The following TRPC6 variants were observed in gnomAD, a reference collection of about 807,000 sequenced individuals.
TRPC6 encodes short transient receptor potential channel 6.
TRPC6 carries 55 observed loss-of-function variants against 90.7 expected under a neutral mutation model. That is an observed-to-expected ratio of 0.61 (90% confidence interval 0.49 to 0.76). The LOEUF (loss-of-function observed/expected upper bound fraction) is 0.76. TRPC6 is among the 30% of genes least tolerant of loss of function. The pLI is 0.00. For missense variants in TRPC6, 989 were observed against 1,122.7 expected (o/e 0.88, Z 1.70); for synonymous variants, 393 against 393.0 (o/e 1.00, Z 0.00).
intron 7 of TRPC6, 106 bp from the exon 8 acceptor site, chr11:101,472,438 T>TA (rs986687278): frequency 3.9e-5 from 43 of 1,114,182 alleles, no homozygotes; most frequent in South Asian, 3.4e-4. Flanking sequence ...TTAGTGAGTA[T>TA]AAAAAAAATT....
At chr11:101,472,040 C>T (rs1029107516) in intron 8 of TRPC6, 97 bp downstream of exon 8, 38 of 1,253,364 alleles carry the variant, frequency 3.0e-5, no homozygotes, top group South Asian at 2.8e-4. Flanking sequence ...GAACAAAGGG[C>T]GAAGAGCAGT....
At chr11:101,468,760 G>A (rs1348525804) in intron 10 of TRPC6, among the ~76,000 whole-genome samples, 1 of 152,186 alleles carries the variant, frequency 6.6e-6, no homozygotes. Flanking sequence ...CAAATGTCTT[G>A]TTTAAACCAC....
intron 4 of TRPC6, among the ~76,000 whole-genome samples, chr11:101,488,586 C>A (rs916537447): frequency 6.6e-6 from 1 of 151,984 alleles, no homozygotes; most frequent in Non-Finnish European, 1.5e-5. Context: ...GGTACTATGA[C>A]CTCATAAAGA....
In TRPC6 at chr11:101,525,043, G is replaced by A. The variant is rs1860746877; in HGVS notation, c.171-20245C>T. 2.0e-5 allele frequency among the ~76,000 whole-genome samples: 3 copies of A among 152,014 alleles called. No homozygotes were observed. The South Asian group carries it at 6.2e-4, about 32-fold the overall frequency. On this transcript the variant is annotated intron_variant, in intron 1 of 12. Coordinates refer to ENST00000344327, the MANE Select transcript of TRPC6 (RefSeq NM_004621.6). ...TAGAAATCTTAAAGGAATTGTTGAA[G>A]AGATGAATATGTTTAAAAGTCTGGT...
chr11:101,471,246 T>C lies in TRPC6; in HGVS notation c.2346A>G (p.Lys782=). Residue 782 remains lysine (K), a synonymous_variant, in exon 9 of 13, where the codon AAA becomes AAG. Transcript: ENST00000344327. ...GGCCCTGGAACAGCTCAGAAATCCA[T>C]TTTTTAAGCTTCAGTAAGAGATAAA... ...SLFYLLLKLK[K]WISELFQGHK... is the part of the protein sequence containing the mutation. 1.2e-6 allele frequency: 2 copies of C among 1,613,980 alleles called. No homozygotes were observed. Among genetic ancestry groups the C allele is most frequent in the Non-Finnish European group, 1.7e-6 (2 of 1,179,880 alleles).
intron 2 of TRPC6, among the ~76,000 whole-genome samples, chr11:101,502,094 C>T (rs1180461700): frequency 2.0e-5 from 3 of 152,122 alleles, no homozygotes. Flanking sequence ...CTAATCCATA[C>T]ACTTCACACT....
chr11:101,555,911 G>C (rs1477925676), intron 1 of TRPC6, among the ~76,000 whole-genome samples: 1 of 152,128 alleles, frequency 6.6e-6, no homozygotes, highest in Non-Finnish European at 1.5e-5. Context: ...ATCAGTAACA[G>C]GGGGACTTTG....
intron 5 of TRPC6, among the ~76,000 whole-genome samples, chr11:101,477,942 T>G (rs1192199715): frequency 6.6e-6 from 1 of 152,230 alleles, no homozygotes; most frequent in Non-Finnish European, 1.5e-5. Context: ...TACTCTGACA[T>G]CCTGCCTCCT....
chr11:101,544,498 A>G (rs1481608599), intron 1 of TRPC6, among the ~76,000 whole-genome samples: 1 of 152,234 alleles, frequency 6.6e-6, no homozygotes, highest in Admixed American at 6.5e-5. Context: ...CATCAATGAT[A>G]TACTTGATAA....
chr11:101,472,101 G>C (rs1225859757), intron 8 of TRPC6, 36 bp downstream of exon 8: 2 of 1,598,470 alleles, frequency 1.3e-6, no homozygotes, highest in Non-Finnish European at 8.6e-7. Flanking sequence ...GTTAAAACAT[G>C]AAGGCACAAA....
At chr11:101,527,279 G>T (rs1453810839) in intron 1 of TRPC6, among the ~76,000 whole-genome samples, 3 of 152,074 alleles carry the variant, frequency 2.0e-5, no homozygotes, top group African/African-American at 7.2e-5. Context: ...GATTAAATAT[G>T]TTTATGTTTT....
chr11:101,461,463 T>G (rs1859002502), intron 10 of TRPC6, among the ~76,000 whole-genome samples: 1 of 152,066 alleles, frequency 6.6e-6, no homozygotes, highest in Admixed American at 6.5e-5. Context: ...TCCCAGCTAT[T>G]TGGGAGGTTG....
In TRPC6 at chr11:101,452,931, TG is replaced by T; in HGVS notation, c.*23del. 1 of 1,613,208 alleles carries T rather than the reference TG, an allele frequency of 6.2e-7. No individual in the cohort carries two copies. Among genetic ancestry groups the T allele is most frequent in the African/African-American group, 1.3e-5 (1 of 75,008 alleles). On this transcript the variant is annotated 3_prime_UTR_variant, in exon 13 of 13. Coordinates refer to ENST00000344327, the MANE Select transcript of TRPC6 (RefSeq NM_004621.6). ...ATGGCTTCAAGTGGACAAATAAATATGAATTTCTAAGGAAGTCTTCGCATTA... is the reference window on the plus strand; with the variant it reads ...ATGGCTTCAAGTGGACAAATAAATATAATTTCTAAGGAAGTCTTCGCATTA...
Position 101,473,518 on chromosome 11 carries a change from G to C in TRPC6, c.2000C>G (p.Ala667Gly). 1 of 1,613,154 alleles carries C rather than the reference G, an allele frequency of 6.2e-7. No homozygotes were observed. The highest frequency in any genetic ancestry group is 8.5e-7 in the Non-Finnish European group (1 of 1,179,482). Reference sequence around the variant, plus strand: ...ATCTGAGATCACATACGTTGTGAAGGCTTCATTTTGTTTTGCACCAATGTA... The same window carrying C: ...ATCTGAGATCACATACGTTGTGAAGCCTTCATTTTGTTTTGCACCAATGTA... ...SYYIGAKQNE[A>G]FTTVEESFKT... The change falls in exon 7 of 13, where the codon GCC (alanine) becomes GGC (glycine). Residue 667 changes from alanine (A) to glycine (G), a missense_variant. Physicochemically the swap from Ala to Gly is moderately conservative, Grantham distance 60 (BLOSUM62 0). This residue lies in a region of TRPC6 where 118 missense variants were observed against 197.6 expected (regional missense o/e 0.60). Coordinates refer to ENST00000344327, the MANE Select transcript of TRPC6 (RefSeq NM_004621.6).
At chr11:101,462,572 A>G (rs1291186492) in intron 10 of TRPC6, among the ~76,000 whole-genome samples, 2 of 152,128 alleles carry the variant, frequency 1.3e-5, no homozygotes, top group Non-Finnish European at 2.9e-5. Flanking sequence ...CTTTGTAGCA[A>G]TTGTGAATGG....
intron 2 of TRPC6, among the ~76,000 whole-genome samples, chr11:101,497,661 G>C (rs984318808): frequency 6.6e-6 from 1 of 152,076 alleles, no homozygotes; most frequent in African/African-American, 2.4e-5. Context: ...CAGAGAAGAG[G>C]ACAATTCCTG....
intron 1 of TRPC6, among the ~76,000 whole-genome samples, chr11:101,513,435 AC>A (rs1860442855): frequency 6.6e-6 from 1 of 152,206 alleles, no homozygotes; most frequent in South Asian, 2.1e-4. Flanking sequence ...TGATGGGTGC[AC>A]TAAAATCTCG....
At chr11:101,531,263 A>G (rs1475453263) in intron 1 of TRPC6, among the ~76,000 whole-genome samples, 1 of 152,242 alleles carries the variant, frequency 6.6e-6, no homozygotes, top group Non-Finnish European at 1.5e-5. Flanking sequence ...CTCAATCCCC[A>G]TAAGAACTCT....
intron 1 of TRPC6, among the ~76,000 whole-genome samples, chr11:101,526,406 T>C (rs994510114): frequency 2.0e-5 from 3 of 152,234 alleles, no homozygotes; most frequent in Non-Finnish European, 4.4e-5. Flanking sequence ...AAAATAAATT[T>C]TGGCATAGTT....
Sources: gnomAD v4.1 joint callset for allele counts (sites outside exome capture counted in the v4.1 genomes callset) on GRCh38, gnomAD v4.1.1 for gene constraint, gnomAD v4.1.1 regional missense constraint, MANE v1.5 for transcripts, NCBI Gene and HGNC (gene_info 2026-07-23, HGNC 2026-07-21) for gene names.